The following TEAD1 variants were observed in gnomAD, a reference collection of about 807,000 sequenced individuals.
TEAD1 encodes transcriptional enhancer factor TEF-1.
Under a neutral mutation model 54.9 loss-of-function variants are expected in TEAD1, and 9 were observed. The observed-to-expected ratio is 0.16, with a 90% CI of 0.10 to 0.29. TEAD1 has a LOEUF of 0.29. TEAD1 is among the 10% of genes least tolerant of loss of function. The pLI is 1.00. For missense variants in TEAD1, 387 were observed against 535.9 expected (o/e 0.72, Z 2.74); for synonymous variants, 200 against 187.8 (o/e 1.07, Z -0.53).
rs534017810 is a variant in TEAD1 at position 12,872,451 on chromosome 11, C to A, written c.331-7257C>A. Among the ~76,000 whole-genome samples the A allele has an allele frequency of 5.9e-5, 9 of 152,346 alleles. No individual in the cohort carries two copies. In the South Asian group the frequency reaches 1.7e-3, roughly 28 times the overall value. The stretch of plus-strand genomic sequence containing the variant: ...AGGGGGAGTTCTTTTGCATTTATGA[C>A]ATATACGCTTTCTCCTCAAAGATAT... On this transcript the variant is annotated intron_variant, in intron 5 of 12. Transcript: ENST00000527636.
intron 2 of TEAD1, among the ~76,000 whole-genome samples, chr11:12,739,006 C>T (rs186766956): frequency 6.6e-6 from 1 of 152,214 alleles, no homozygotes; most frequent in Admixed American, 6.5e-5. Context: ...CATAGGTATC[C>T]AGGAAGGCTC....
At chr11:12,720,240 A>G (rs1029298764) in intron 2 of TEAD1, among the ~76,000 whole-genome samples, 18 of 152,080 alleles carry the variant, frequency 1.2e-4, no homozygotes, top group Admixed American at 9.2e-4. Context: ...CTCTAGAGAG[A>G]GGAATAGGCA....
chr11:12,812,705 T>C (rs1946330247), intron 3 of TEAD1, among the ~76,000 whole-genome samples: 1 of 152,240 alleles, frequency 6.6e-6, no homozygotes, highest in Admixed American at 6.5e-5. Context: ...CTCAAATCCC[T>C]CTTGGTACAT....
intron 3 of TEAD1, among the ~76,000 whole-genome samples, chr11:12,783,098 T>TTGTGTGTGTGTG (rs34564715): frequency 2.1e-3 from 299 of 139,356 alleles, no homozygotes; most frequent in African/African-American, 4.8e-3. Context: ...AGGTAAGGGT[T>TTGTGTGTGTGTG]TGTGTGTGTG....
intron 3 of TEAD1, among the ~76,000 whole-genome samples, chr11:12,851,510 A>T (rs1947274112): frequency 6.6e-6 from 1 of 152,158 alleles, no homozygotes; most frequent in Non-Finnish European, 1.5e-5. Context: ...TTTTAAAAAA[A>T]TGGCTGGGCG....
At chr11:12,690,642 G>A (rs1433497427) in intron 2 of TEAD1, among the ~76,000 whole-genome samples, 1 of 152,194 alleles carries the variant, frequency 6.6e-6, no homozygotes, top group Non-Finnish European at 1.5e-5. Flanking sequence ...TATTCTACCA[G>A]GAGGCACACA....
intron 2 of TEAD1, among the ~76,000 whole-genome samples, chr11:12,761,216 A>G (rs1047354948): frequency 5.3e-5 from 8 of 152,242 alleles, no homozygotes; most frequent in African/African-American, 1.9e-4. Flanking sequence ...CTATAGAAAT[A>G]ATAAGAAGAG....
intron 2 of TEAD1, among the ~76,000 whole-genome samples, chr11:12,698,010 G>A (rs1314824207): frequency 7.1e-6 from 1 of 140,912 alleles, no homozygotes; most frequent in Non-Finnish European, 1.5e-5. Flanking sequence ...GCAACAGAGC[G>A]AAACTCCGTC....
intron 3 of TEAD1, among the ~76,000 whole-genome samples, 198 bp from the exon 4 acceptor site, chr11:12,862,052 A>G (rs1010781330): frequency 6.6e-5 from 10 of 151,456 alleles, no homozygotes; most frequent in East Asian, 1.9e-4. Flanking sequence ...TCTAAGTTCA[A>G]ATTTAAATGC....
At chr11:12,793,556 T>G (rs187001900) in intron 3 of TEAD1, among the ~76,000 whole-genome samples, 42 of 152,352 alleles carry the variant, frequency 2.8e-4, no homozygotes, top group African/African-American at 1.0e-3. Flanking sequence ...AGTTTTTCCT[T>G]TAGAGTATTG....
intron 3 of TEAD1, among the ~76,000 whole-genome samples, chr11:12,815,494 G>A (rs1324619557): frequency 6.6e-6 from 1 of 152,196 alleles, no homozygotes; most frequent in Non-Finnish European, 1.5e-5. Context: ...ATGGACCCAA[G>A]CTGCAAAAAT....
At chr11:12,751,091 G>A (rs1944860043) in intron 2 of TEAD1, among the ~76,000 whole-genome samples, 1 of 152,086 alleles carries the variant, frequency 6.6e-6, no homozygotes, top group Non-Finnish European at 1.5e-5. Flanking sequence ...CAGGAGAATC[G>A]CTTGAGGCCA....
At chr11:12,904,271 A>G (rs533646034) in intron 10 of TEAD1, among the ~76,000 whole-genome samples, 2,580 of 147,938 alleles carry the variant, frequency 0.017, 80 homozygotes, top group African/African-American at 0.061. Flanking sequence ...CATAAGTTTT[A>G]TCACATCAAG....
intron 9 of TEAD1, among the ~76,000 whole-genome samples, chr11:12,884,005 AAAAAG>A (rs1450332251): frequency 2.6e-5 from 4 of 152,176 alleles, no homozygotes; most frequent in African/African-American, 9.6e-5. Context: ...AAAAAAAAAA[AAAAAG>A]AAGAAGTAAC....
chr11:12,924,306 A>T (rs1356463957), intron 10 of TEAD1, among the ~76,000 whole-genome samples: 1 of 152,188 alleles, frequency 6.6e-6, no homozygotes, highest in African/African-American at 2.4e-5. Context: ...TATCTGAATG[A>T]TAGTTATTTT....
intron 2 of TEAD1, among the ~76,000 whole-genome samples, chr11:12,755,489 T>G (rs996535039): frequency 3.3e-5 from 5 of 152,172 alleles, no homozygotes; most frequent in Admixed American, 2.6e-4. Flanking sequence ...AAGTGTATGT[T>G]GACTCCACAG....
chr11:12,764,069 A>G, intron 2 of TEAD1, 110 bp from the exon 3 acceptor site: 1 of 706,466 alleles, frequency 1.4e-6, no homozygotes, highest in Non-Finnish European at 2.3e-6. Context: ...GACTGAAATA[A>G]TAAAATGAAA....
chr11:12,895,386 C>T (rs79808666), intron 9 of TEAD1, among the ~76,000 whole-genome samples: 2,787 of 152,292 alleles, frequency 0.018, 76 homozygotes, highest in African/African-American at 0.055. Flanking sequence ...TCAGGTACTG[C>T]GTGGCATCCT....
rs1393359606 is a variant in TEAD1, at chr11:12,674,833, A to C, written c.-209A>C. The C allele has an allele frequency of 6.8e-6, 1 of 147,134 alleles. No homozygotes were observed. Among genetic ancestry groups the C allele is most frequent in the Non-Finnish European group, 1.5e-5 (1 of 66,670 alleles). 9.1% of individuals were successfully genotyped at this position (147,134 alleles called of 1,614,324 possible). ...GGCGCTGCGGTGGCTCCCTGGGCCG[A>C]GGTAAGTTGGCGCGCGGGGCGGATG... is the stretch of plus-strand genomic sequence containing the variant. On this transcript the variant is annotated splice_region_variant and 5_prime_UTR_variant, in exon 1 of 13. Transcript: ENST00000527636.
Sources: gnomAD v4.1 joint callset for allele counts (sites outside exome capture counted in the v4.1 genomes callset) on GRCh38, gnomAD v4.1.1 for gene constraint, MANE v1.5 for transcripts, NCBI Gene and HGNC (gene_info 2026-07-23, HGNC 2026-07-21) for gene names.